HIVEP1: variants seen among roughly 807,000 people sequenced by gnomAD.
HIVEP1 encodes the protein zinc finger protein 40.
In HIVEP1, 36 loss-of-function variants were observed where a neutral mutation model predicts 180.0. The ratio of observed to expected loss-of-function variants is 0.20; its 90% CI spans 0.15 to 0.26. The LOEUF (loss-of-function observed/expected upper bound fraction) is 0.26, where lower values mean the gene tolerates loss of function less well. Among genes scored for constraint, HIVEP1 ranks in the 10% least tolerant of loss-of-function variants. HIVEP1 has a pLI of 1.00. For missense variants in HIVEP1, 3,143 were observed against 3,268.7 expected (o/e 0.96, Z 0.94); for synonymous variants, 1,239 against 1,239.0 (o/e 1.00, Z 0.00).
rs181329307 is a variant in HIVEP1 at position 12,164,749 on chromosome 6, T to C, written c.*288T>C. 397 of 202,340 alleles carry C rather than the reference T, an allele frequency of 2.0e-3. No homozygotes were observed. Among genetic ancestry groups the C allele is most frequent in the African/African-American group, 8.9e-3 (383 of 42,860 alleles). The allele number at this position is 202,340 out of a possible 1,614,324, so 12.5% of individuals were successfully genotyped here. A position where few individuals can be genotyped will look rare whatever the true frequency, so the allele number is the denominator to read the frequency against. Reference sequence around the variant, plus strand: ...TATGTATATGAAAACCAGGTAGTTATTTGTGTTTAGTAAGGAAAACCTGTC... The same window carrying C: ...TATGTATATGAAAACCAGGTAGTTACTTGTGTTTAGTAAGGAAAACCTGTC... On this transcript the variant is annotated 3_prime_UTR_variant, in exon 9 of 9. Transcript: ENST00000379388.
chr6:12,154,912 G>C lies in HIVEP1; in HGVS notation c.6488-6527G>C, dbSNP rs185727138. ...CTCTCTTTCTTGGCTAGTGTTACCA[G>C]AGAATTTTTCTAAGAACCCAGCTTT... On this transcript the variant is annotated intron_variant, in intron 7 of 8. Transcript: ENST00000379388. Among the ~76,000 whole-genome samples, 9 of 152,216 alleles carry C rather than the reference G, an allele frequency of 5.9e-5. No individual in the cohort carries two copies. The East Asian group carries it at 1.7e-3, about 29-fold the overall frequency.
chr6:12,171,025 A>C, the HIVEP1 span, among the ~76,000 whole-genome samples: 1 of 152,202 alleles, frequency 6.6e-6, no homozygotes, highest in Non-Finnish European at 1.5e-5. Flanking sequence ...AGATTCAACC[A>C]AGTGGAGAGA....
intron 2 of HIVEP1, among the ~76,000 whole-genome samples, chr6:12,033,154 G>C (rs548674831): frequency 4.6e-5 from 7 of 152,346 alleles, no homozygotes; most frequent in African/African-American, 1.7e-4. Context: ...CTTTGTATTA[G>C]ATGATTTTGC....
intron 3 of HIVEP1, among the ~76,000 whole-genome samples, chr6:12,096,856 G>A (rs911669039): frequency 6.6e-6 from 1 of 151,996 alleles, no homozygotes; most frequent in African/African-American, 2.4e-5. Flanking sequence ...AAGATGGACA[G>A]ATTTTATTAA....
chr6:12,184,874 A>T, the HIVEP1 span, among the ~76,000 whole-genome samples: 5 of 152,232 alleles, frequency 3.3e-5, no homozygotes, highest in Non-Finnish European at 5.9e-5. Flanking sequence ...GTCATTATTT[A>T]TTTAAAAATA....
chr6:12,039,656 G>A (rs1441092722), intron 2 of HIVEP1, among the ~76,000 whole-genome samples: 1 of 152,210 alleles, frequency 6.6e-6, no homozygotes, highest in Non-Finnish European at 1.5e-5. Flanking sequence ...AAGTAGAAGC[G>A]TAAAGCCAGA....
chr6:12,210,514 G>C, the HIVEP1 span, among the ~76,000 whole-genome samples: 3 of 152,118 alleles, frequency 2.0e-5, no homozygotes, highest in Non-Finnish European at 4.4e-5. Flanking sequence ...CATCAATAAT[G>C]CTGTTAGATG....
chr6:12,180,561 A>G, the HIVEP1 span, among the ~76,000 whole-genome samples: 1 of 152,204 alleles, frequency 6.6e-6, no homozygotes, highest in Non-Finnish European at 1.5e-5. Context: ...TTAACAAGTA[A>G]TTATAAATAG....
chr6:12,012,989 C>T (rs1447485393), intron 1 of HIVEP1, among the ~76,000 whole-genome samples: 1 of 149,596 alleles, frequency 6.7e-6, no homozygotes, highest in East Asian at 2.0e-4. Flanking sequence ...TGCGCGCCAG[C>T]TGCAGTTGGG....
intron 2 of HIVEP1, among the ~76,000 whole-genome samples, chr6:12,039,970 C>T (rs1297998815): frequency 1.3e-5 from 2 of 152,306 alleles, no homozygotes; most frequent in Admixed American, 6.5e-5. Context: ...CAGGACTCAA[C>T]AGCAGTGGAG....
In HIVEP1 at chr6:12,122,761, A is replaced by C; in HGVS notation, c.2966A>C (p.Lys989Thr). The C allele has an allele frequency of 1.2e-6, 2 of 1,611,838 alleles. No individual in the cohort carries two copies. Among genetic ancestry groups the C allele is most frequent in the Non-Finnish European group, 1.7e-6 (2 of 1,179,442 alleles). Residue 989 changes from lysine to threonine, a missense_variant, in exon 4 of 9, where the codon AAA becomes ACA. Coordinates refer to ENST00000379388, the MANE Select transcript of HIVEP1 (RefSeq NM_002114.4). ...KFYCSELHGP[K>T]TKVAMREPEH... ...TACTGTTCTGAGTTACATGGACCAA[A>C]AACAAAGGTAGCCATGAGAGAACCT...
At chr6:12,062,122 A>G (rs1033580975) in intron 2 of HIVEP1, among the ~76,000 whole-genome samples, 1 of 152,304 alleles carries the variant, frequency 6.6e-6, no homozygotes, top group African/African-American at 2.4e-5. Context: ...TTTCTTTTTA[A>G]AAGTATAGTG....
chr6:12,141,630 C>T (rs219944), intron 7 of HIVEP1, among the ~76,000 whole-genome samples: 10,041 of 136,936 alleles, frequency 0.073, 1,158 homozygotes, highest in African/African-American at 0.25. Context: ...ATCTCACATG[C>T]AGTGACACAC....
intron 3 of HIVEP1, among the ~76,000 whole-genome samples, chr6:12,103,212 T>TAATAAA (rs1561941181): frequency 1.4e-5 from 2 of 141,214 alleles, no homozygotes; most frequent in African/African-American, 5.2e-5. Context: ...ATAATAATAA[T>TAATAAA]AATATCAACA....
chr6:12,116,346 T>G (rs1235959139), intron 3 of HIVEP1, among the ~76,000 whole-genome samples: 4 of 152,106 alleles, frequency 2.6e-5, no homozygotes, highest in Admixed American at 2.6e-4. Flanking sequence ...AGCCTGATGG[T>G]TTAGCTGCCC....
rs80250036 is a variant in HIVEP1, at chr6:12,027,681, A to G, written c.40+12013A>G. On this transcript the variant is annotated intron_variant, in intron 2 of 8. Transcript: ENST00000379388. ...GTCTTTGAGAGGTGCGCCTTCTGAC[A>G]AATGAGCCCTACAAGGAAGGTCTTC... 3.1e-3 allele frequency among the ~76,000 whole-genome samples: 479 copies of G among 152,358 alleles called. 30 individuals are homozygous for G. The East Asian group carries it at 0.082, about 26-fold the overall frequency.
intron 3 of HIVEP1, among the ~76,000 whole-genome samples, chr6:12,105,860 A>T (rs1730380576): frequency 6.6e-6 from 1 of 152,050 alleles, no homozygotes; most frequent in Non-Finnish European, 1.5e-5. Flanking sequence ...ACATTGAATT[A>T]TTGAACTTAT....
At position 12,161,754 on chromosome 6, in the gene HIVEP1, A is replaced by G. The variant is rs1284624066; in HGVS notation, c.6803A>G (p.Asn2268Ser). The change falls in exon 8 of 9, where the codon AAT (asparagine) becomes AGT (serine). Residue 2268 changes from asparagine to serine, a missense_variant. Physicochemically the swap from Asn to Ser is conservative, Grantham distance 46. Around this residue, in one of 12 missense-constraint regions of HIVEP1, gnomAD observed 595 missense variants for 602.2 expected, o/e 0.99. Coordinates refer to ENST00000379388, the MANE Select transcript of HIVEP1 (RefSeq NM_002114.4). Reference sequence around the variant, plus strand: ...CTGAGCACAGCACAGTCTGACTACAATAGGAAGACACTCTCTCCGGGGAAG... The same window carrying G: ...CTGAGCACAGCACAGTCTGACTACAGTAGGAAGACACTCTCTCCGGGGAAG... ...TVLSTAQSDYNRKTLSPGKAR... is the reference protein window; with the variant it reads ...TVLSTAQSDYSRKTLSPGKAR... 5.0e-6 allele frequency: 8 copies of G among 1,614,030 alleles called. No individual in the cohort carries two copies. The highest frequency in any genetic ancestry group is 6.8e-6 in the Non-Finnish European group (8 of 1,180,006).
chr6:12,130,453 A>C (rs981091396), intron 5 of HIVEP1, among the ~76,000 whole-genome samples: 1 of 152,142 alleles, frequency 6.6e-6, no homozygotes, highest in Admixed American at 6.6e-5. Flanking sequence ...CGGGAGGATC[A>C]TGTGAGCCCG....
Sources: gnomAD v4.1 joint callset for allele counts (sites outside exome capture counted in the v4.1 genomes callset) on GRCh38, gnomAD v4.1.1 for gene constraint, gnomAD v4.1.1 regional missense constraint, MANE v1.5 for transcripts, NCBI Gene and HGNC (gene_info 2026-07-23, HGNC 2026-07-21) for gene names.